EXOC6B: variants seen among roughly 807,000 people sequenced by gnomAD.
The protein encoded by EXOC6B is exocyst complex component 6B.
In EXOC6B, 54 loss-of-function variants were observed where a neutral mutation model predicts 113.5. That is an observed-to-expected ratio of 0.48 (90% CI 0.38 to 0.60). The LOEUF is 0.60. Among genes scored for constraint, EXOC6B ranks in the 20% least tolerant of loss-of-function variants. EXOC6B has a pLI of 0.00. For synonymous variants in EXOC6B, 357 were observed against 339.0 expected (o/e 1.05, Z -0.58); for missense variants, 797 against 977.5 (o/e 0.82, Z 2.46).
intron 20 of EXOC6B, among the ~76,000 whole-genome samples, chr2:72,239,854 G>A (rs1362097148): frequency 6.6e-6 from 1 of 152,014 alleles, no homozygotes; most frequent in Non-Finnish European, 1.5e-5. Context: ...AGTTTTTAAA[G>A]TAAACCTTGT....
At chr2:72,661,232 C>G (rs1010091444) in intron 6 of EXOC6B, among the ~76,000 whole-genome samples, 3 of 151,736 alleles carry the variant, frequency 2.0e-5, no homozygotes, top group Admixed American at 6.6e-5. Flanking sequence ...AAAGACCCAC[C>G]TTTCTAGCCA....
At chr2:72,460,030 A>G (rs911352368) in intron 18 of EXOC6B, among the ~76,000 whole-genome samples, 2 of 152,086 alleles carry the variant, frequency 1.3e-5, no homozygotes, top group African/African-American at 4.8e-5. Flanking sequence ...GGAACAGAAC[A>G]GAGCCCTCAG....
intron 16 of EXOC6B, among the ~76,000 whole-genome samples, chr2:72,484,159 A>G (rs1699280090): frequency 6.7e-6 from 1 of 149,814 alleles, no homozygotes; most frequent in Non-Finnish European, 1.5e-5. Flanking sequence ...TTTTTTTTCA[A>G]TTTTACATTA....
intron 1 of EXOC6B, among the ~76,000 whole-genome samples, chr2:72,778,302 T>C (rs1442156017): frequency 6.6e-6 from 1 of 152,150 alleles, no homozygotes; most frequent in African/African-American, 2.4e-5. Flanking sequence ...GAAAAAGATA[T>C]TCTAAGCAAA....
intron 7 of EXOC6B, among the ~76,000 whole-genome samples, chr2:72,564,139 A>C (rs925881342): frequency 6.6e-6 from 1 of 152,206 alleles, no homozygotes; most frequent in African/African-American, 2.4e-5. Flanking sequence ...CTGCTCAAGA[A>C]GAGGAGCGAT....
intron 8 of EXOC6B, among the ~76,000 whole-genome samples, chr2:72,537,244 T>C (rs1190870058): frequency 1.3e-5 from 2 of 152,140 alleles, no homozygotes; most frequent in East Asian, 1.9e-4. Flanking sequence ...AGTTTAGTTA[T>C]CCAGTAAGAT....
chr2:72,615,976 CA>C (rs1183512007), intron 6 of EXOC6B, among the ~76,000 whole-genome samples: 2 of 151,850 alleles, frequency 1.3e-5, no homozygotes, highest in South Asian at 2.1e-4. Context: ...TAAAATTTTT[CA>C]ATGTAAACCA....
intron 18 of EXOC6B, chr2:72,464,463 G>A (rs1697910786): frequency 6.6e-6 from 1 of 152,370 alleles, no homozygotes; most frequent in African/African-American, 2.4e-5. Flanking sequence ...GTCCATGATG[G>A]TACTAAGGTG....
chr2:72,192,927 T>G (rs531153497), intron 20 of EXOC6B, among the ~76,000 whole-genome samples: 39 of 152,286 alleles, frequency 2.6e-4, no homozygotes, highest in African/African-American at 9.1e-4. Context: ...ACACTTAACA[T>G]ATAATCCAAG....
intron 20 of EXOC6B, among the ~76,000 whole-genome samples, chr2:72,310,836 G>A (rs1305889247): frequency 6.8e-6 from 1 of 147,312 alleles, no homozygotes; most frequent in Admixed American, 6.8e-5. Context: ...CATTTTACAT[G>A]TGTTATTTCA....
Position 72,401,566 on chromosome 2 carries a change from CATATATATATAT to C in EXOC6B, c.1981-21708_1981-21697del, listed in dbSNP as rs1383620831. On this transcript the variant is annotated intron_variant, in intron 18 of 21. Transcript: ENST00000272427. ...ATATGTGTATATATATATATATATA[CATATATATATAT>C]ATACATATATATATATATATATATG... Among the ~76,000 whole-genome samples, 4 of 14,880 alleles carry C rather than the reference CATATATATATAT, an allele frequency of 2.7e-4. 1 individual carries two copies. Among genetic ancestry groups the C allele is most frequent in the African/African-American group, 1.3e-3 (4 of 3,042 alleles). 9.8% of individuals were successfully genotyped at this position (14,880 alleles called of 152,430 possible).
At chr2:72,239,805 T>C (rs184746396) in intron 20 of EXOC6B, among the ~76,000 whole-genome samples, 223 of 152,306 alleles carry the variant, frequency 1.5e-3, no homozygotes, top group South Asian at 5.4e-3. Flanking sequence ...TATTTCCATA[T>C]ATTTTGGTGC....
intron 11 of EXOC6B, among the ~76,000 whole-genome samples, chr2:72,502,426 T>C (rs1700374228): frequency 6.6e-6 from 1 of 152,192 alleles, no homozygotes; most frequent in African/African-American, 2.4e-5. Flanking sequence ...CGCATGCCTA[T>C]GGTCCCAGCT....
intron 18 of EXOC6B, among the ~76,000 whole-genome samples, chr2:72,451,247 G>C (rs910179857): frequency 1.3e-5 from 2 of 152,142 alleles, no homozygotes; most frequent in East Asian, 3.8e-4. Context: ...CTTACAAAAG[G>C]TTCATGTCAA....
intron 6 of EXOC6B, among the ~76,000 whole-genome samples, chr2:72,701,480 G>A (rs535612395): frequency 6.6e-6 from 1 of 152,084 alleles, no homozygotes; most frequent in East Asian, 1.9e-4. Flanking sequence ...AGAAAGGCAG[G>A]AAAATATTAA....
At position 72,741,469 on chromosome 2, in the gene EXOC6B, CCTTT is replaced by C; in HGVS notation, c.114-4_114-1del. 1 of 1,594,220 alleles carries C rather than the reference CCTTT, an allele frequency of 6.3e-7. No homozygotes were observed. The highest frequency in any genetic ancestry group is 1.8e-5 in the Admixed American group (1 of 54,664). ...CATGTTCTTCACCATCATAAACAGA[CCTTT>C]AAAAAAAAATGGCACGAAGATTATA... On this transcript the variant is annotated splice_acceptor_variant and splice_polypyrimidine_tract_variant and intron_variant, in intron 1 of 21. Coordinates refer to ENST00000272427, the MANE Select transcript of EXOC6B (RefSeq NM_015189.3). LOFTEE classifies it high-confidence loss of function.
intron 18 of EXOC6B, among the ~76,000 whole-genome samples, chr2:72,452,074 G>A (rs1042929497): frequency 6.6e-6 from 1 of 152,140 alleles, no homozygotes; most frequent in Non-Finnish European, 1.5e-5. Flanking sequence ...AGTTTAGACT[G>A]ACCTCATCGC....
chr2:72,303,018 T>TC (rs1686626618), intron 20 of EXOC6B, among the ~76,000 whole-genome samples: 1 of 152,206 alleles, frequency 6.6e-6, no homozygotes, highest in East Asian at 1.9e-4. Context: ...GGTCTGGTGA[T>TC]ACCAGACCCC....
Position 72,738,971 on chromosome 2 carries a change from T to C in EXOC6B, c.279+2333A>G, listed in dbSNP as rs868353464. ...TATATAGTCTTCTAATCTTCTTTAA[T>C]GCTTATTTATTTACATGTAAAGTAT... On this transcript the variant is annotated intron_variant, in intron 2 of 21. Coordinates refer to ENST00000272427, the MANE Select transcript of EXOC6B (RefSeq NM_015189.3). Among the ~76,000 whole-genome samples, 3 of 152,350 alleles carry C rather than the reference T, an allele frequency of 2.0e-5. No homozygotes were observed. In the Middle Eastern group the frequency reaches 0.01, roughly 518 times the overall value.
Sources: gnomAD v4.1 joint callset for allele counts (sites outside exome capture counted in the v4.1 genomes callset) on GRCh38, gnomAD v4.1.1 for gene constraint, MANE v1.5 for transcripts, NCBI Gene and HGNC (gene_info 2026-07-23, HGNC 2026-07-21) for gene names.